Variants in TENM2 observed in about 807,000 individuals in gnomAD.
The protein encoded by TENM2 is teneurin transmembrane protein 2.
Under a neutral mutation model 245.2 loss-of-function variants are expected in TENM2, and 52 were observed. The observed-to-expected ratio is 0.21, with a 90% confidence interval of 0.17 to 0.27. The LOEUF is 0.27. TENM2 is among the 10% of genes least tolerant of loss of function. TENM2 has a pLI of 1.00. For missense variants in TENM2, 3,046 were observed against 3,666.8 expected (o/e 0.83, Z 4.37); for synonymous variants, 1,363 against 1,438.9 (o/e 0.95, Z 1.19).
the TENM2 span, among the ~76,000 whole-genome samples, chr5:167,079,933 G>A: frequency 2.0e-5 from 3 of 152,176 alleles, no homozygotes; most frequent in Non-Finnish European, 4.4e-5. Flanking sequence ...AAATCCAGCA[G>A]TGGGCCTTCT....
At chr5:167,118,060 G>C in the TENM2 span, among the ~76,000 whole-genome samples, 1 of 152,226 alleles carries the variant, frequency 6.6e-6, no homozygotes, top group Non-Finnish European at 1.5e-5. Context: ...TTAAAAATGT[G>C]TTTTCTTTTA....
chr5:167,390,656 T>C (rs1761694930), intron 2 of TENM2, among the ~76,000 whole-genome samples: 1 of 152,106 alleles, frequency 6.6e-6, no homozygotes, highest in South Asian at 2.1e-4. Context: ...TCTGCTAATA[T>C]ACAGTGTTGC....
chr5:167,202,023 C>T, the TENM2 span, among the ~76,000 whole-genome samples: 1 of 152,054 alleles, frequency 6.6e-6, no homozygotes, highest in South Asian at 2.1e-4. Context: ...CCAAGAGGTG[C>T]CCCCTTGTCT....
intron 3 of TENM2, among the ~76,000 whole-genome samples, chr5:167,928,316 T>A (rs1038161221): frequency 6.6e-6 from 1 of 152,146 alleles, no homozygotes; most frequent in African/African-American, 2.4e-5. Context: ...CAAGTCTTAA[T>A]AGGACATTGG....
At chr5:167,693,597 C>T (rs1356007990) in intron 2 of TENM2, among the ~76,000 whole-genome samples, 1 of 150,292 alleles carries the variant, frequency 6.7e-6, no homozygotes, top group Non-Finnish European at 1.5e-5. Flanking sequence ...GTGCTCCTCT[C>T]CCTCACTGTT....
At chr5:167,517,595 T>A (rs1417196671) in intron 2 of TENM2, among the ~76,000 whole-genome samples, 1 of 149,020 alleles carries the variant, frequency 6.7e-6, no homozygotes, top group African/African-American at 2.6e-5. Flanking sequence ...AGTGAGCGGA[T>A]TAAGGGAGCT....
chr5:167,668,157 A>G (rs1755694462), intron 2 of TENM2, among the ~76,000 whole-genome samples: 1 of 152,170 alleles, frequency 6.6e-6, no homozygotes, highest in Non-Finnish European at 1.5e-5. Flanking sequence ...CTGAATGTGT[A>G]TACTCTACCC....
chr5:168,133,980 C>T (rs187229214), intron 12 of TENM2, among the ~76,000 whole-genome samples: 4 of 151,976 alleles, frequency 2.6e-5, no homozygotes, highest in Admixed American at 2.6e-4. Context: ...TATGGTGAAA[C>T]CCCGCCTCTA....
the TENM2 span, among the ~76,000 whole-genome samples, chr5:167,003,899 T>C: frequency 6.6e-6 from 1 of 152,292 alleles, no homozygotes; most frequent in South Asian, 2.1e-4. Context: ...GCTTCTTACT[T>C]AGAAAATATA....
At chr5:168,201,848 G>A (rs563138341) in intron 17 of TENM2, among the ~76,000 whole-genome samples, 2 of 151,830 alleles carry the variant, frequency 1.3e-5, no homozygotes, top group African/African-American at 4.8e-5. Flanking sequence ...CCCATATAGC[G>A]TGGTTGGTTG....
chr5:167,751,838 C>G (rs1448576831), intron 2 of TENM2, among the ~76,000 whole-genome samples: 1 of 151,908 alleles, frequency 6.6e-6, no homozygotes, highest in Non-Finnish European at 1.5e-5. Context: ...CCCTTTTAGA[C>G]TGGAGTAAGT....
chr5:167,605,727 G>A (rs1371462385), intron 2 of TENM2, among the ~76,000 whole-genome samples: 5 of 152,178 alleles, frequency 3.3e-5, no homozygotes, highest in Admixed American at 1.3e-4. Context: ...ACATCTGATC[G>A]TGTACCAGGT....
chr5:167,930,711 T>A (rs927619461), intron 3 of TENM2, among the ~76,000 whole-genome samples: 2 of 152,122 alleles, frequency 1.3e-5, no homozygotes, highest in African/African-American at 4.8e-5. Context: ...GAATTTTTTT[T>A]AATTCTTAGC....
upstream of TENM2, among the ~76,000 whole-genome samples, chr5:167,283,744 T>C (rs1771184228): frequency 6.6e-6 from 1 of 152,200 alleles, no homozygotes; most frequent in Non-Finnish European, 1.5e-5. Context: ...GGCCCTGTGG[T>C]CTATGCTATT....
At chr5:167,363,730 C>CAAAAAAAAAAAAAAAAAAAAAA (rs10659741) in intron 1 of TENM2, among the ~76,000 whole-genome samples, 20 of 89,172 alleles carry the variant, frequency 2.2e-4, no homozygotes, top group Admixed American at 6.2e-4. Context: ...GACTCCATCT[C>CAAAAAAAAAAAAAAAAAAAAAA]AAAAAAAAAA....
intron 2 of TENM2, among the ~76,000 whole-genome samples, chr5:167,874,565 C>T (rs1773257449): frequency 6.6e-6 from 1 of 152,172 alleles, no homozygotes; most frequent in African/African-American, 2.4e-5. Context: ...TTCTGTCCTT[C>T]CTTCCACACC....
At chr5:167,479,445 T>C (rs1261879154) in intron 2 of TENM2, among the ~76,000 whole-genome samples, 1 of 152,292 alleles carries the variant, frequency 6.6e-6, no homozygotes, top group East Asian at 1.9e-4. Context: ...ACAAACTCAT[T>C]GGCATCCAGA....
At chr5:167,071,213 T>TG in the TENM2 span, among the ~76,000 whole-genome samples, 1 of 152,188 alleles carries the variant, frequency 6.6e-6, no homozygotes, top group African/African-American at 2.4e-5. Flanking sequence ...AAAATATTCT[T>TG]GCAATTTTAT....
At chr5:167,658,785 A>T (rs748777990) in intron 2 of TENM2, among the ~76,000 whole-genome samples, 19 of 152,186 alleles carry the variant, frequency 1.2e-4, no homozygotes, top group Non-Finnish European at 2.5e-4. Context: ...CCTGTATTCA[A>T]ATTCAGAATG....
Sources: gnomAD v4.1 joint callset for allele counts (sites outside exome capture counted in the v4.1 genomes callset) on GRCh38, gnomAD v4.1.1 for gene constraint, MANE v1.5 for transcripts, NCBI Gene and HGNC (gene_info 2026-07-23, HGNC 2026-07-21) for gene names.